Variants in ZNF248 observed in about 807,000 individuals in gnomAD.
ZNF248 encodes the protein zinc finger protein 248.
ZNF248 carries 20 observed loss-of-function variants against 44.3 expected under a neutral mutation model. The ratio of observed to expected loss-of-function variants is 0.45; its 90% CI spans 0.32 to 0.66. The LOEUF is 0.66. Ranked by LOEUF, ZNF248 falls within the 30% of genes least tolerant of loss-of-function variation. The pLI, the probability that ZNF248 is intolerant of heterozygous loss-of-function variation, is 0.04. For missense variants in ZNF248, 654 were observed against 677.0 expected (o/e 0.97, Z 0.38); for synonymous variants, 224 against 229.0 (o/e 0.98, Z 0.20).
chr10:37,777,317 G>T (rs1209645291), intron 6 of ZNF248, among the ~76,000 whole-genome samples: 1 of 152,132 alleles, frequency 6.6e-6, no homozygotes, highest in Non-Finnish European at 1.5e-5. Flanking sequence ...AACAACCAAT[G>T]AACTATGGAC....
At chr10:37,820,840 T>G in intron 6 of ZNF248, 1 of 1,192,434 alleles carries the variant, frequency 8.4e-7, no homozygotes, top group Non-Finnish European at 1.2e-6. Context: ...ATATTTCCCA[T>G]TCTGTTTTGC....
chr10:37,776,514 T>C, downstream of ZNF248: 2 of 398,370 alleles, frequency 5.0e-6, no homozygotes, highest in Non-Finnish European at 8.9e-6. Context: ...GGATTCCTGT[T>C]CCTAGGGCGC....
chr10:37,780,973 G>T (rs999556743), intron 6 of ZNF248, among the ~76,000 whole-genome samples: 3 of 152,326 alleles, frequency 2.0e-5, no homozygotes, highest in South Asian at 4.1e-4. Context: ...TGGGGACCGT[G>T]CGGGACACGT....
intron 6 of ZNF248, among the ~76,000 whole-genome samples, chr10:37,800,289 C>A (rs2049654892): frequency 6.6e-6 from 1 of 152,082 alleles, no homozygotes; most frequent in Non-Finnish European, 1.5e-5. Context: ...CTCAAACAGT[C>A]CCCAGTGTCT....
chr10:37,825,451 G>C (rs756913446), downstream of ZNF248, among the ~76,000 whole-genome samples: 17 of 151,988 alleles, frequency 1.1e-4, no homozygotes, highest in Non-Finnish European at 2.1e-4. Context: ...TTTTTCTTTT[G>C]TTTTTGAGAC....
intron 6 of ZNF248, chr10:37,819,707 T>C: frequency 6.4e-6 from 5 of 784,874 alleles, no homozygotes; most frequent in African/African-American, 1.7e-5. Flanking sequence ...GATTTCTTCT[T>C]GTTCATGGTA....
chr10:37,841,058 C>T (rs943092755), intron 3 of ZNF248, among the ~76,000 whole-genome samples: 2 of 152,196 alleles, frequency 1.3e-5, no homozygotes, highest in Admixed American at 1.3e-4. Context: ...AGACTGTCTT[C>T]TCAGCTTCTC....
intron 6 of ZNF248, chr10:37,795,281 G>A (rs376299503): frequency 1.3e-5 from 2 of 152,246 alleles, no homozygotes; most frequent in East Asian, 3.9e-4. Context: ...TTGTTGATGA[G>A]TAACCAAAGG....
At chr10:37,769,922 A>G in the ZNF248 span, among the ~76,000 whole-genome samples, 1 of 152,214 alleles carries the variant, frequency 6.6e-6, no homozygotes, top group Non-Finnish European at 1.5e-5. Flanking sequence ...AACTTCAGCA[A>G]GGTCTCAGGA....
At chr10:37,853,990 G>A (rs923693925) in intron 3 of ZNF248, among the ~76,000 whole-genome samples, 1 of 152,184 alleles carries the variant, frequency 6.6e-6, no homozygotes, top group Admixed American at 6.5e-5. Context: ...ACCTTGTGGG[G>A]TTCAGAACAC....
chr10:37,828,811 T>C lies in ZNF248; in HGVS notation c.*2804A>G. ...TTGGAAGAATACAGAGCTGCTTACCTTACACCACATACAATAAGAAACACC... is the reference window on the plus strand; with the variant it reads ...TTGGAAGAATACAGAGCTGCTTACCCTACACCACATACAATAAGAAACACC... On this transcript the variant is annotated 3_prime_UTR_variant, in exon 6 of 6. Transcript: ENST00000395867. 1.0e-6 allele frequency: 1 copy of C among 985,378 alleles called. No homozygotes were observed. Among genetic ancestry groups the C allele is most frequent in the Non-Finnish European group, 1.2e-6 (1 of 829,930 alleles). 61.0% of individuals were successfully genotyped at this position (985,378 alleles called of 1,614,324 possible).
At chr10:37,771,425 T>C in the ZNF248 span, among the ~76,000 whole-genome samples, 2 of 152,098 alleles carry the variant, frequency 1.3e-5, no homozygotes, top group African/African-American at 2.4e-5. Context: ...ATATACACCA[T>C]GGAATTCTAT....
At chr10:37,820,141 T>A (rs2053215494) in intron 6 of ZNF248, 1 of 1,076,388 alleles carries the variant, frequency 9.3e-7, no homozygotes, top group Admixed American at 1.7e-5. Flanking sequence ...TAATAAATCA[T>A]CTATTCTTCC....
downstream of ZNF248, among the ~76,000 whole-genome samples, chr10:37,775,763 T>G (rs2046538370): frequency 6.6e-6 from 1 of 152,232 alleles, no homozygotes; most frequent in African/African-American, 2.4e-5. Context: ...GATATTTGTT[T>G]ACTTACATTC....
chr10:37,795,698 A>G (rs896553407), intron 6 of ZNF248: 1 of 152,148 alleles, frequency 6.6e-6, no homozygotes. Flanking sequence ...GTCACTTCCC[A>G]CATATATCAC....
intron 6 of ZNF248, among the ~76,000 whole-genome samples, chr10:37,808,001 G>A (rs957649821): frequency 5.3e-5 from 8 of 152,136 alleles, no homozygotes; most frequent in South Asian, 2.1e-4. Context: ...TTACATTGAC[G>A]TAGTTTCCTT....
At chr10:37,760,731 G>A in the ZNF248 span, among the ~76,000 whole-genome samples, 3 of 152,184 alleles carry the variant, frequency 2.0e-5, no homozygotes, top group African/African-American at 7.2e-5. Context: ...CTACTCAGGG[G>A]GCCGAGGCAG....
rs749229932 is a variant in ZNF248, at chr10:37,832,543, C to T, written c.812G>A (p.Gly271Glu). 1 of 1,613,924 alleles carries T rather than the reference C, an allele frequency of 6.2e-7. No homozygotes were observed. Among genetic ancestry groups the T allele is most frequent in the East Asian group, 2.2e-5 (1 of 44,876 alleles). ...QRPHLEMEPY[G>E]CSICGKSFCM... ...GAAGGACTTCCCGCAAATACTGCAT[C>T]CATACGGCTCCATTTCCAAATGAGG... Residue 271 changes from glycine to glutamate, a missense_variant, in exon 6 of 6, where the codon GGA becomes GAA. Physicochemically the swap from Gly to Glu is moderately conservative, Grantham distance 98. Coordinates refer to ENST00000395867, the MANE Select transcript of ZNF248 (RefSeq NM_021045.3).
chr10:37,768,524 G>C, the ZNF248 span, among the ~76,000 whole-genome samples: 2 of 152,128 alleles, frequency 1.3e-5, no homozygotes, highest in Admixed American at 6.5e-5. Flanking sequence ...AATGACTACT[G>C]GGTACATAAC....
Sources: gnomAD v4.1 joint callset for allele counts (sites outside exome capture counted in the v4.1 genomes callset) on GRCh38, gnomAD v4.1.1 for gene constraint, MANE v1.5 for transcripts, NCBI Gene and HGNC (gene_info 2026-07-23, HGNC 2026-07-21) for gene names.